Variants in ARHGAP29 observed in about 807,000 individuals in gnomAD.
ARHGAP29 encodes Rho GTPase activating protein 29.
Under a neutral mutation model 122.6 loss-of-function variants are expected in ARHGAP29, and 43 were observed. The observed-to-expected ratio is 0.35, with a 90% CI of 0.27 to 0.45. ARHGAP29 has a LOEUF of 0.45. Among genes scored for constraint, ARHGAP29 ranks in the 20% least tolerant of loss-of-function variants. The pLI, the probability that ARHGAP29 is intolerant of heterozygous loss-of-function variation, is 1.00. For synonymous variants in ARHGAP29, 506 were observed against 497.1 expected, an observed-to-expected ratio of 1.02 and a Z score of -0.24; for missense variants, 1,303 against 1,477.2, an observed-to-expected ratio of 0.88 and a Z score of 1.93.
chr1:94,177,731 A>G lies in ARHGAP29; in HGVS notation c.2797-11T>C, dbSNP rs1265193174. Reference sequence around the variant, plus strand: ...TGAAGTATGGATATCCTGTTGATGCAAGATAATTTTTAAAATGGAAGAAGT... The same window carrying G: ...TGAAGTATGGATATCCTGTTGATGCGAGATAATTTTTAAAATGGAAGAAGT... On this transcript the variant is annotated splice_polypyrimidine_tract_variant and intron_variant, in intron 21 of 22. Transcript: ENST00000260526. 2 of 1,598,712 alleles carry G rather than the reference A, an allele frequency of 1.3e-6. No homozygotes were observed. Among genetic ancestry groups the G allele is most frequent in the South Asian group, 2.3e-5 (2 of 88,116 alleles).
chr1:94,256,373 G>A (rs529656617), intron 1 of ARHGAP29, among the ~76,000 whole-genome samples: 1 of 151,944 alleles, frequency 6.6e-6, no homozygotes, highest in Non-Finnish European at 1.5e-5. Context: ...CATACAAATG[G>A]GCAGAGAAAG....
chr1:94,194,008 A>T (rs1307369910), intron 12 of ARHGAP29: 3 of 152,226 alleles, frequency 2.0e-5, no homozygotes, highest in African/African-American at 7.2e-5. Flanking sequence ...GATTAGGTAA[A>T]GGAACTTCTA....
chr1:94,209,988 T>A (rs1341193299), intron 3 of ARHGAP29, among the ~76,000 whole-genome samples: 3 of 152,234 alleles, frequency 2.0e-5, no homozygotes, highest in Admixed American at 6.5e-5. Context: ...TAGCTGCATT[T>A]TGTTTACAAT....
At chr1:94,199,842 G>A (rs1239088488) in intron 12 of ARHGAP29, among the ~76,000 whole-genome samples, 1 of 152,046 alleles carries the variant, frequency 6.6e-6, no homozygotes, top group Non-Finnish European at 1.5e-5. Context: ...CTTCTCTTGG[G>A]AAATTTAAAT....
chr1:94,260,612 A>C (rs576026208), intron 1 of ARHGAP29, among the ~76,000 whole-genome samples: 1 of 152,246 alleles, frequency 6.6e-6, no homozygotes, highest in South Asian at 2.1e-4. Context: ...GTTTAAATAG[A>C]ATGCTTTGTA....
At chr1:94,237,717 C>G, upstream of ARHGAP29, 1 of 985,396 alleles carries the variant, frequency 1.0e-6, no homozygotes, top group Non-Finnish European at 1.2e-6. Flanking sequence ...CGGGAGGCAA[C>G]TAGCTCGCGC....
At chr1:94,231,280 A>G (rs923547596) in intron 2 of ARHGAP29, 127 bp downstream of exon 2, 69 of 724,442 alleles carry the variant, frequency 9.5e-5, no homozygotes, top group Non-Finnish European at 1.5e-4. Context: ...AGATTTGGGG[A>G]AAAAAGCACT....
At chr1:94,231,760 G>A in intron 1 of ARHGAP29, 117 bp from the exon 2 acceptor site, 1 of 689,184 alleles carries the variant, frequency 1.5e-6, no homozygotes, top group East Asian at 2.8e-5. Flanking sequence ...AGCTCACCTT[G>A]GTATCCTATT....
At chr1:94,198,352 C>T (rs1016549534) in intron 12 of ARHGAP29, among the ~76,000 whole-genome samples, 2 of 152,104 alleles carry the variant, frequency 1.3e-5, no homozygotes, top group Admixed American at 6.5e-5. Context: ...GTGGCATGCA[C>T]GTGTAGTCTT....
At chr1:94,285,225 G>T in the ARHGAP29 span, among the ~76,000 whole-genome samples, 1 of 152,080 alleles carries the variant, frequency 6.6e-6, no homozygotes, top group South Asian at 2.1e-4. Context: ...GTGTTTTGTT[G>T]ACTGTAGATT....
intron 1 of ARHGAP29, among the ~76,000 whole-genome samples, chr1:94,252,481 A>C (rs1397719667): frequency 2.6e-5 from 4 of 152,212 alleles, no homozygotes; most frequent in Non-Finnish European, 5.9e-5. Flanking sequence ...CCTGTGCCGT[A>C]GAGGCAGGAG....
At chr1:94,257,252 A>C (rs1162426177) in intron 1 of ARHGAP29, among the ~76,000 whole-genome samples, 2 of 151,892 alleles carry the variant, frequency 1.3e-5, no homozygotes, top group African/African-American at 4.8e-5. Context: ...AAATGCAAAA[A>C]TTAGCTGGGT....
In ARHGAP29 at chr1:94,203,176, G is replaced by A. The variant is rs1006013042; in HGVS notation, c.797C>T (p.Ala266Val). ...FMPLQSLFTN[A>V]LLNDIESSHL... is the part of the protein sequence containing the mutation. ...ACTGCTTTCTATATCATTAAGAAGAGCATTAGTAAACAGAGACTGCAGTGG... is the reference window on the plus strand; with the variant it reads ...ACTGCTTTCTATATCATTAAGAAGAACATTAGTAAACAGAGACTGCAGTGG... The change falls in exon 9 of 23, where the codon GCT becomes GTT. Residue 266 changes from alanine (A) to valine (V), a missense_variant. By Grantham distance (64) the Ala-to-Val change is moderately conservative. Transcript: ENST00000260526. 20 of 1,612,470 alleles carry A rather than the reference G, an allele frequency of 1.2e-5. No homozygotes were observed. In the Middle Eastern group the frequency reaches 5.0e-4, roughly 40 times the overall value.
intron 1 of ARHGAP29, among the ~76,000 whole-genome samples, chr1:94,273,554 C>G (rs1434820238): frequency 1.3e-5 from 2 of 152,120 alleles, no homozygotes; most frequent in African/African-American, 4.8e-5. Flanking sequence ...ACTGCTGTGG[C>G]TTTTTGGTTT....
intron 1 of ARHGAP29, among the ~76,000 whole-genome samples, chr1:94,243,996 A>T (rs1653699800): frequency 6.6e-6 from 1 of 152,066 alleles, no homozygotes; most frequent in Non-Finnish European, 1.5e-5. Context: ...AAATGTTAAT[A>T]GCACTACATG....
rs1432622968 is a variant in ARHGAP29 at position 94,203,018 on chromosome 1, T to C, written c.874-20A>G. 1.9e-6 allele frequency: 3 copies of C among 1,601,122 alleles called. No individual in the cohort carries two copies. The highest frequency in any genetic ancestry group is 1.8e-5 in the Admixed American group (1 of 56,874). On this transcript the variant is annotated intron_variant, in intron 9 of 22. Coordinates refer to ENST00000260526, the MANE Select transcript of ARHGAP29 (RefSeq NM_004815.4). ...TAGAGGCTGTGAAAGGTATTTAAAA[T>C]GGAAAAAGAGAAAAGCAATTTTCTA...
intron 3 of ARHGAP29, among the ~76,000 whole-genome samples, chr1:94,210,977 G>C (rs1371638599): frequency 6.6e-6 from 1 of 151,218 alleles, no homozygotes; most frequent in East Asian, 2.0e-4. Context: ...AATTATGAAA[G>C]AGTTGATTCA....
chr1:94,176,837 C>T (rs960268986), intron 22 of ARHGAP29: 4 of 152,186 alleles, frequency 2.6e-5, no homozygotes. Context: ...AAACTCCTGA[C>T]CTCAGGTGAT....
intron 15 of ARHGAP29, 133 bp downstream of exon 15, chr1:94,188,704 T>C (rs1649955274): frequency 2.6e-6 from 2 of 763,590 alleles, no homozygotes; most frequent in South Asian, 4.4e-5. Context: ...TTTTAAAAAC[T>C]ATTTTTTAAA....
Sources: gnomAD v4.1 joint callset for allele counts (sites outside exome capture counted in the v4.1 genomes callset) on GRCh38, gnomAD v4.1.1 for gene constraint, MANE v1.5 for transcripts, NCBI Gene and HGNC (gene_info 2026-07-23, HGNC 2026-07-21) for gene names.